CNTNAP2: variants seen among roughly 807,000 people sequenced by gnomAD.
The protein encoded by CNTNAP2 is contactin-associated protein-like 2.
Under a neutral mutation model 155.2 loss-of-function variants are expected in CNTNAP2, and 98 were observed. The ratio of observed to expected loss-of-function variants is 0.63; its 90% CI spans 0.54 to 0.75. CNTNAP2 has a LOEUF of 0.75. Among genes scored for constraint, CNTNAP2 ranks in the 30% least tolerant of loss-of-function variants. The pLI, the probability that CNTNAP2 is intolerant of heterozygous loss-of-function variation, is 0.00. For synonymous variants in CNTNAP2, 651 were observed against 631.2 expected (o/e 1.03, Z -0.47); for missense variants, 1,727 against 1,688.1 (o/e 1.02, Z -0.40).
chr7:148,298,230 GT>G (rs1167590558), intron 21 of CNTNAP2, among the ~76,000 whole-genome samples: 2 of 152,158 alleles, frequency 1.3e-5, no homozygotes, highest in African/African-American at 4.8e-5. Context: ...CTAGTGGATG[GT>G]GGGGAGGAGA....
intron 8 of CNTNAP2, among the ~76,000 whole-genome samples, chr7:147,284,987 T>A (rs1427101786): frequency 6.6e-6 from 1 of 151,736 alleles, no homozygotes; most frequent in Non-Finnish European, 1.5e-5. Context: ...AAGCACTGAG[T>A]TTTTGCCTAT....
chr7:146,802,634 G>T (rs1318446273), intron 2 of CNTNAP2, among the ~76,000 whole-genome samples: 3 of 152,032 alleles, frequency 2.0e-5, no homozygotes, highest in African/African-American at 7.2e-5. Context: ...GGTAAAACAC[G>T]CATGCCTCAC....
intron 15 of CNTNAP2, among the ~76,000 whole-genome samples, chr7:148,092,410 G>A (rs1294078194): frequency 6.6e-6 from 1 of 152,144 alleles, no homozygotes; most frequent in African/African-American, 2.4e-5. Context: ...TGAAAAAATG[G>A]AGAGGCTGGT....
At chr7:147,162,364 T>A (rs1390717) in intron 8 of CNTNAP2, among the ~76,000 whole-genome samples, 90,571 of 151,946 alleles carry the variant, frequency 0.6, 27,135 homozygotes, top group Middle Eastern at 0.71. Context: ...AGTACAAAAT[T>A]AAAAAAAGAC....
rs73463212 is a variant in CNTNAP2 at position 146,967,201 on chromosome 7, T to C, written c.403-76706T>C. ...ACTTAAAGATGTCAGGTGGAAAATATGATTTCATTTGTTCTTTAATAATTT... is the reference window on the plus strand; with the variant it reads ...ACTTAAAGATGTCAGGTGGAAAATACGATTTCATTTGTTCTTTAATAATTT... On this transcript the variant is annotated intron_variant, in intron 3 of 23. Transcript: ENST00000361727. Among the ~76,000 whole-genome samples, 418 of 152,294 alleles carry C rather than the reference T, an allele frequency of 2.7e-3. 1 individual carries two copies. Among genetic ancestry groups the C allele is most frequent in the African/African-American group, 9.5e-3 (396 of 41,556 alleles).
At chr7:148,278,291 G>GT (rs1796911588) in intron 21 of CNTNAP2, among the ~76,000 whole-genome samples, 1 of 152,112 alleles carries the variant, frequency 6.6e-6, no homozygotes, top group Non-Finnish European at 1.5e-5. Context: ...AGTAGGCCCG[G>GT]CTCGGTGGCT....
At chr7:148,406,291 AAGG>A (rs1390369255) in intron 22 of CNTNAP2, among the ~76,000 whole-genome samples, 1 of 152,156 alleles carries the variant, frequency 6.6e-6, no homozygotes, top group African/African-American at 2.4e-5. Context: ...GACAAAGAAA[AAGG>A]AGGTCAGGAA....
At chr7:147,878,294 G>T (rs958306541) in intron 13 of CNTNAP2, among the ~76,000 whole-genome samples, 1 of 152,038 alleles carries the variant, frequency 6.6e-6, no homozygotes, top group Non-Finnish European at 1.5e-5. Context: ...TAGTGATGAT[G>T]ATGATGATTT....
At chr7:147,786,399 G>A (rs1797740650) in intron 13 of CNTNAP2, among the ~76,000 whole-genome samples, 1 of 152,214 alleles carries the variant, frequency 6.6e-6, no homozygotes, top group Non-Finnish European at 1.5e-5. Context: ...ATGACAGCAA[G>A]ATGGAGACTG....
intron 13 of CNTNAP2, among the ~76,000 whole-genome samples, chr7:147,692,023 C>T (rs1437927320): frequency 6.6e-6 from 1 of 152,106 alleles, no homozygotes; most frequent in Non-Finnish European, 1.5e-5. Context: ...ATTCATCATT[C>T]CACTTCTCCA....
intron 15 of CNTNAP2, among the ~76,000 whole-genome samples, chr7:148,060,436 T>C (rs1803108042): frequency 6.6e-6 from 1 of 152,176 alleles, no homozygotes; most frequent in Non-Finnish European, 1.5e-5. Flanking sequence ...CAATTGCAAT[T>C]CTAAATTAGC....
chr7:146,172,718 G>A (rs57678187), intron 1 of CNTNAP2, among the ~76,000 whole-genome samples: 5,028 of 152,216 alleles, frequency 0.033, 279 homozygotes, highest in African/African-American at 0.12. Context: ...GCAACCATGT[G>A]TAGTACAGTG....
chr7:147,015,327 C>T (rs1436415431), intron 3 of CNTNAP2, among the ~76,000 whole-genome samples: 3 of 152,074 alleles, frequency 2.0e-5, no homozygotes, highest in African/African-American at 7.2e-5. Context: ...AAGTTCTTAG[C>T]ACCTGTCTGA....
intron 15 of CNTNAP2, among the ~76,000 whole-genome samples, chr7:148,083,926 T>C (rs1803667989): frequency 6.6e-6 from 1 of 152,170 alleles, no homozygotes; most frequent in Non-Finnish European, 1.5e-5. Flanking sequence ...AAAAAATACC[T>C]TCTTTCCTTA....
Position 147,432,390 on chromosome 7 carries a change from C to T in CNTNAP2, c.1670+36610C>T, listed in dbSNP as rs865848066. Among the ~76,000 whole-genome samples the T allele has an allele frequency of 2.0e-5, 3 of 152,304 alleles. No homozygotes were observed. The South Asian group carries it at 6.2e-4, about 32-fold the overall frequency. Reference sequence around the variant, plus strand: ...TTTAGAAGGAAGATAAGAGACAAAGCTGTGTTTTTTAAAAAATAGAAATCA... The same window carrying T: ...TTTAGAAGGAAGATAAGAGACAAAGTTGTGTTTTTTAAAAAATAGAAATCA... On this transcript the variant is annotated intron_variant, in intron 10 of 23. Coordinates refer to ENST00000361727, the MANE Select transcript of CNTNAP2 (RefSeq NM_014141.6).
intron 11 of CNTNAP2, among the ~76,000 whole-genome samples, chr7:147,544,713 T>C (rs1359296291): frequency 1.3e-5 from 2 of 152,000 alleles, no homozygotes; most frequent in Non-Finnish European, 2.9e-5. Flanking sequence ...TTCCCATGTG[T>C]TGTGGGAGGG....
chr7:147,422,187 C>G lies in CNTNAP2; in HGVS notation c.1670+26407C>G, dbSNP rs575468415. ...TATATATATAGTATGTATATATACA[C>G]TATATAGTATGTATATATACACAAT... On this transcript the variant is annotated intron_variant, in intron 10 of 23. Transcript: ENST00000361727. Among the ~76,000 whole-genome samples, 267 of 136,554 alleles carry G rather than the reference C, an allele frequency of 2.0e-3. 2 individuals carry two copies. Among genetic ancestry groups the G allele is most frequent in the African/African-American group, 8.2e-3 (256 of 31,342 alleles). The allele number at this position is 136,554 out of a possible 152,430, so 89.6% of individuals were successfully genotyped here.
intron 1 of CNTNAP2, among the ~76,000 whole-genome samples, chr7:146,240,438 A>C (rs899658124): frequency 1.3e-5 from 2 of 152,026 alleles, no homozygotes; most frequent in Non-Finnish European, 2.9e-5. Flanking sequence ...TCAGAGAAGA[A>C]GCATTCCTCT....
chr7:146,124,833 T>C (rs1241357286), intron 1 of CNTNAP2, among the ~76,000 whole-genome samples: 43 of 152,200 alleles, frequency 2.8e-4, no homozygotes, highest in Admixed American at 2.4e-3. Context: ...TCAATACTAA[T>C]GTTACTAATT....
Sources: allele counts gnomAD v4.1 joint callset (sites outside exome capture counted in the v4.1 genomes callset), GRCh38; gene constraint gnomAD v4.1.1; transcripts MANE v1.5; gene names NCBI Gene and HGNC (gene_info 2026-07-23, HGNC 2026-07-21).